The following PECAM1 variants were observed in gnomAD, a reference collection of about 807,000 sequenced individuals.
PECAM1 encodes the protein platelet and endothelial cell adhesion molecule 1, also known as platelet endothelial cell adhesion molecule.
In PECAM1, 8 loss-of-function variants were observed where a neutral mutation model predicts 13.8. The ratio of observed to expected loss-of-function variants is 0.58; its 90% CI spans 0.34 to 1.05. The LOEUF is 1.05. Ranked by LOEUF, PECAM1 falls within the 50% of genes least tolerant of loss-of-function variation. PECAM1 has a pLI of 0.03. For synonymous variants in PECAM1, 136 were observed against 52.6 expected (o/e 2.58, Z -6.86); for missense variants, 304 against 141.2 (o/e 2.15, Z -5.84).
At chr17:64,390,289 C>T (rs2036688018) in intron 2 of PECAM1, 200 bp downstream of exon 2, 1 of 398,790 alleles carries the variant, frequency 2.5e-6, no homozygotes, top group Non-Finnish European at 4.4e-6. Context: ...ACTTCTAAAA[C>T]ACACTGACCA....
chr17:64,384,271 G>A (rs2036545458), intron 2 of PECAM1, among the ~76,000 whole-genome samples: 1 of 152,166 alleles, frequency 6.6e-6, no homozygotes, highest in Non-Finnish European at 1.5e-5. Context: ...ACTCTGTTGA[G>A]ATATGAGTCT....
intron 13 of PECAM1, among the ~76,000 whole-genome samples, chr17:64,343,272 C>CCA (rs2035479701): frequency 6.6e-6 from 1 of 151,966 alleles, no homozygotes; most frequent in Non-Finnish European, 1.5e-5. Context: ...CTTCCTGGCC[C>CCA]CACACACACT....
At chr17:64,352,852 G>A (rs935291526) in intron 10 of PECAM1, among the ~76,000 whole-genome samples, 10 of 151,862 alleles carry the variant, frequency 6.6e-5, no homozygotes, top group African/African-American at 1.9e-4. Context: ...ATGGGGTTTC[G>A]CTGGCTAGGC....
chr17:64,343,432 A>C (rs1044132289), intron 13 of PECAM1, among the ~76,000 whole-genome samples: 3 of 152,084 alleles, frequency 2.0e-5, no homozygotes, highest in Non-Finnish European at 4.4e-5. Flanking sequence ...TGTTGGTGAC[A>C]TTTGTCCACA....
rs1673845345 is a variant in PECAM1, at chr17:64,356,178, G to A, written c.1713C>T (p.Tyr571=). ...KASKEQEGEY[Y]CTAFNRANHA... ...GGTTGGCTCTGTTGAAGGCTGTGCA[G>A]TAATACTCTCCCTCCTGTTCCTTGC... The change falls in exon 8 of 16, where the codon TAC becomes TAT. Residue 571 remains tyrosine (Y), a synonymous_variant. Transcript: ENST00000563924. 2 of 475,122 alleles carry A rather than the reference G, an allele frequency of 4.2e-6. No individual in the cohort carries two copies. Among genetic ancestry groups the A allele is most frequent in the East Asian group, 3.1e-5 (1 of 31,976 alleles). 29.4% of individuals were successfully genotyped at this position (475,122 alleles called of 1,614,324 possible).
At chr17:64,380,346 A>AT (rs1361505351) in intron 2 of PECAM1, among the ~76,000 whole-genome samples, 1 of 108,940 alleles carries the variant, frequency 9.2e-6, no homozygotes, top group Non-Finnish European at 1.9e-5. Context: ...TTAAATAAGT[A>AT]TAAAAAAGAG....
chr17:64,370,022 G>C lies in PECAM1; in HGVS notation c.695C>G (p.Ser232Cys), dbSNP rs976170903. ...GATGTGGAACTTGGGTGTAGAGAAG[G>C]ATTCTGCAAGAGAGGAAGACAACCT... Reference protein sequence around the residue: ...TKSELVTVTESFSTPKFHISP... With the variant: ...TKSELVTVTECFSTPKFHISP... Residue 232 changes from serine (S) to cysteine (C), a missense_variant, in exon 5 of 16, where the codon TCC becomes TGC. By Grantham distance (112) the Ser-to-Cys change is moderately radical. Coordinates refer to ENST00000563924, the MANE Select transcript of PECAM1 (RefSeq NM_000442.5). 4.0e-5 allele frequency: 16 copies of C among 398,514 alleles called. No individual in the cohort carries two copies. Among genetic ancestry groups the C allele is most frequent in the Non-Finnish European group, 4.4e-6 (1 of 226,096 alleles). The allele number at this position is 398,514 out of a possible 1,614,324, so 24.7% of individuals were successfully genotyped here.
rs947682599 is a variant in PECAM1 at position 64,359,815 on chromosome 17, G to A, written c.1492+325C>T. 1.1e-3 allele frequency among the ~76,000 whole-genome samples: 168 copies of A among 151,428 alleles called. 1 individual carries two copies. The highest frequency in any genetic ancestry group is 1.7e-3 in the Non-Finnish European group (113 of 67,902). ...GTTGCTCAGGCTGGAGTGCAATGGC[G>A]CAACTTGGCTCAGTGCAACCTCTGC... On this transcript the variant is annotated intron_variant, in intron 7 of 15. Transcript: ENST00000563924.
rs2034816599 is a variant in PECAM1, at chr17:64,321,822, A to T, written c.*1994T>A. On this transcript the variant is annotated 3_prime_UTR_variant, in exon 16 of 16. Transcript: ENST00000563924. ...GCATAAGTAAGGCACCAGGAGTAGG[A>T]ATAGGGTCTTTGCAGCTCCCGTGGC... 1 of 1,347,114 alleles carries T rather than the reference A, an allele frequency of 7.4e-7. No individual in the cohort carries two copies. The highest frequency in any genetic ancestry group is 1.5e-5 in the African/African-American group (1 of 67,628). 83.4% of individuals were successfully genotyped at this position (1,347,114 alleles called of 1,614,324 possible).
rs1397377487 is a variant in PECAM1 at position 64,361,646 on chromosome 17, G to A, written c.1217-1231C>T. 4.0e-5 allele frequency among the ~76,000 whole-genome samples: 6 copies of A among 150,750 alleles called. No individual in the cohort carries two copies. The East Asian group carries it at 1.0e-3, about 25-fold the overall frequency. Reference sequence around the variant, plus strand: ...CACATGCCTGTAATCCTAGCTACTCGGGAGGCTGAGGCAGGAGAATCGCTT... The same window carrying A: ...CACATGCCTGTAATCCTAGCTACTCAGGAGGCTGAGGCAGGAGAATCGCTT... On this transcript the variant is annotated intron_variant, in intron 6 of 15. Transcript: ENST00000563924.
intron 13 of PECAM1, among the ~76,000 whole-genome samples, chr17:64,343,091 A>G (rs1223114775): frequency 7.2e-5 from 11 of 152,108 alleles, no homozygotes; most frequent in African/African-American, 2.7e-4. Flanking sequence ...CGTGTGGGCC[A>G]CTGTTCTCCT....
At chr17:64,374,559 G>A (rs1341215271) in intron 4 of PECAM1, among the ~76,000 whole-genome samples, 1 of 146,968 alleles carries the variant, frequency 6.8e-6, no homozygotes, top group Non-Finnish European at 1.5e-5. Context: ...CAAGGCGGGT[G>A]GATCGCCTGA....
At chr17:64,331,548 G>A (rs543000552) in intron 14 of PECAM1, among the ~76,000 whole-genome samples, 18 of 152,178 alleles carry the variant, frequency 1.2e-4, no homozygotes, top group Non-Finnish European at 2.2e-4. Flanking sequence ...CTGCAGTTGC[G>A]CAAATGGTCC....
At position 64,377,967 on chromosome 17, in the gene PECAM1, A is replaced by G. The variant is rs1473007292; in HGVS notation, c.242T>C (p.Leu81Pro). The change falls in exon 3 of 16, where the codon CTG becomes CCG. Residue 81 changes from leucine (L) to proline (P), a missense_variant. By Grantham distance (98) the Leu-to-Pro change is moderately conservative. Coordinates refer to ENST00000563924, the MANE Select transcript of PECAM1 (RefSeq NM_000442.5). The part of the protein sequence containing the change: ...HQMLFYKDDV[L>P]FYNISSMKST... ...CTTCATGGAGGAGATGTTGTAAAAC[A>G]GCACGTCATCCTTATAGAACAGCAT... 28 of 475,410 alleles carry G rather than the reference A, an allele frequency of 5.9e-5. No homozygotes were observed. The East Asian group carries it at 8.4e-4, about 14-fold the overall frequency. 29.4% of individuals were successfully genotyped at this position (475,410 alleles called of 1,614,324 possible). A position where few individuals can be genotyped will look rare whatever the true frequency, so the allele number is the denominator to read the frequency against.
chr17:64,345,213 T>C (rs1371070000), intron 13 of PECAM1, among the ~76,000 whole-genome samples: 3 of 152,008 alleles, frequency 2.0e-5, no homozygotes, highest in African/African-American at 7.2e-5. Flanking sequence ...CTCATGCTTG[T>C]AATCCCAGCA....
At chr17:64,358,371 G>A (rs967014179) in intron 7 of PECAM1, among the ~76,000 whole-genome samples, 531 of 152,040 alleles carry the variant, frequency 3.5e-3, no homozygotes, top group Middle Eastern at 6.8e-3. Flanking sequence ...CACCCCATTC[G>A]GTCTCCCAAA....
chr17:64,371,073 G>A (rs900723367), intron 4 of PECAM1, among the ~76,000 whole-genome samples: 2 of 152,050 alleles, frequency 1.3e-5, no homozygotes, highest in African/African-American at 4.8e-5. Context: ...ATAGCTGAAG[G>A]GTGTTTTTCT....
chr17:64,321,856 T>G lies in PECAM1; in HGVS notation c.*1960A>C. 7.4e-7 allele frequency: 1 copy of G among 1,349,874 alleles called. No individual in the cohort carries two copies. Among genetic ancestry groups the G allele is most frequent in the Non-Finnish European group, 9.8e-7 (1 of 1,019,976 alleles). The allele number at this position is 1,349,874 out of a possible 1,614,324, so 83.6% of individuals were successfully genotyped here. Reference sequence around the variant, plus strand: ...TTTGCAGCTCCCGTGGCAATTGCCCTTCTCTGGTGGTGGCAAGGGACTAAG... The same window carrying G: ...TTTGCAGCTCCCGTGGCAATTGCCCGTCTCTGGTGGTGGCAAGGGACTAAG... On this transcript the variant is annotated 3_prime_UTR_variant, in exon 16 of 16. Coordinates refer to ENST00000563924, the MANE Select transcript of PECAM1 (RefSeq NM_000442.5).
At chr17:64,353,940 C>CT (rs11446231) in intron 9 of PECAM1, among the ~76,000 whole-genome samples, 71 of 130,100 alleles carry the variant, frequency 5.5e-4, no homozygotes, top group African/African-American at 1.7e-3. Context: ...CTCTCTCTCT[C>CT]TTTTTTTTTT....
Sources: gnomAD v4.1 joint callset for allele counts (sites outside exome capture counted in the v4.1 genomes callset) on GRCh38, gnomAD v4.1.1 for gene constraint, MANE v1.5 for transcripts, NCBI Gene and HGNC (gene_info 2026-07-23, HGNC 2026-07-21) for gene names.